Variants in HIF3A observed in about 807,000 individuals in gnomAD.
HIF3A encodes hypoxia-inducible factor 3-alpha.
HIF3A carries 41 observed loss-of-function variants against 67.2 expected under a neutral mutation model. The ratio of observed to expected loss-of-function variants is 0.61; its 90% CI spans 0.48 to 0.79. The LOEUF (loss-of-function observed/expected upper bound fraction) is 0.79, where lower values mean the gene tolerates loss of function less well. Among genes scored for constraint, HIF3A ranks in the 30% least tolerant of loss-of-function variants. The probability of loss-of-function intolerance (pLI) is 0.00; values close to 1 mark genes in which losing one functional copy is unlikely to be tolerated. For missense variants in HIF3A, 855 were observed against 898.0 expected (o/e 0.95, Z 0.61); for synonymous variants, 356 against 374.8 (o/e 0.95, Z 0.58).
At position 46,340,410 on chromosome 19, in the gene HIF3A, C is replaced by G. The variant is rs948339940; in HGVS notation, c.*788C>G. Reference sequence around the variant, plus strand: ...GTATAACCTCTGACCTGCACTGGTTCTAGACCACACAACCTCCAATGTGGT... The same window carrying G: ...GTATAACCTCTGACCTGCACTGGTTGTAGACCACACAACCTCCAATGTGGT... On this transcript the variant is annotated 3_prime_UTR_variant, in exon 15 of 15. Coordinates refer to ENST00000377670, the MANE Select transcript of HIF3A (RefSeq NM_152795.4). 8 of 152,836 alleles carry G rather than the reference C, an allele frequency of 5.2e-5. No homozygotes were observed. The highest frequency in any genetic ancestry group is 1.9e-4 in the African/African-American group (8 of 41,482). The allele number at this position is 152,836 out of a possible 1,614,324, so 9.5% of individuals were successfully genotyped here.
chr19:46,320,642 C>A, intron 9 of HIF3A, 81 bp downstream of exon 9: 2 of 1,052,834 alleles, frequency 1.9e-6, no homozygotes, highest in South Asian at 1.4e-5. Context: ...ACATGGCTCA[C>A]CAGGCCCTGT....
chr19:46,322,012 C>A, intron 10 of HIF3A, 46 bp downstream of exon 10: 2 of 1,583,710 alleles, frequency 1.3e-6, no homozygotes, highest in Non-Finnish European at 1.7e-6. Context: ...AGTGCTCAGT[C>A]CCTCAGGGGG....
At chr19:46,325,690 T>G in intron 11 of HIF3A, 51 bp downstream of exon 11, 6 of 1,271,340 alleles carry the variant, frequency 4.7e-6, no homozygotes, top group Non-Finnish European at 6.9e-6. Context: ...TTCTGGGGAT[T>G]CACATATGTG....
chr19:46,319,197 C>T lies in HIF3A; in HGVS notation c.1026-1246C>T, dbSNP rs115357898. 5.6e-3 allele frequency among the ~76,000 whole-genome samples: 854 copies of T among 152,126 alleles called. 6 individuals are homozygous for T. Among genetic ancestry groups the T allele is most frequent in the Middle Eastern group, 0.02 (6 of 294 alleles). On this transcript the variant is annotated intron_variant, in intron 8 of 14. Transcript: ENST00000377670. ...CGCTCCTGTTTGTGCCTGTGTGTAC[C>T]GAGTGTGTATACAAGTTCGATTGTG...
chr19:46,326,821 T>C (rs941836771), intron 11 of HIF3A, among the ~76,000 whole-genome samples: 1 of 151,956 alleles, frequency 6.6e-6, no homozygotes, highest in Non-Finnish European at 1.5e-5. Flanking sequence ...TTGAAATCCA[T>C]ATGGGAAAAT....
rs1292772333 is a variant in HIF3A at position 46,314,554 on chromosome 19, TTTTA to T, written c.1025+1913_1025+1916del. On this transcript the variant is annotated intron_variant, in intron 8 of 14. Transcript: ENST00000377670. ...ATTACCACAATTTATTTATTTTTAT[TTTTA>T]TTTATTTATTTTTTTTGAGACAGAG... Among the ~76,000 whole-genome samples, 7 of 147,018 alleles carry T rather than the reference TTTTA, an allele frequency of 4.8e-5. 1 individual carries two copies. The highest frequency in any genetic ancestry group is 9.0e-5 in the Non-Finnish European group (6 of 66,952).
chr19:46,300,628 T>C (rs1968239942), intron 1 of HIF3A, among the ~76,000 whole-genome samples: 1 of 152,166 alleles, frequency 6.6e-6, no homozygotes. Flanking sequence ...GCCACTGCAC[T>C]CCAGCCTGGG....
chr19:46,308,814 G>A (rs1231480992), intron 5 of HIF3A, 39 bp downstream of exon 5: 2 of 1,349,312 alleles, frequency 1.5e-6, no homozygotes, highest in Non-Finnish European at 2.1e-6. Context: ...GGGACGCTGG[G>A]GCTGGGTGTG....
At chr19:46,335,211 G>A (rs949895584) in intron 14 of HIF3A, among the ~76,000 whole-genome samples, 20 of 152,006 alleles carry the variant, frequency 1.3e-4, no homozygotes, top group African/African-American at 4.4e-4. Context: ...GTGGAAGCCC[G>A]AGCCTAGGTC....
intron 1 of HIF3A, among the ~76,000 whole-genome samples, chr19:46,301,203 G>A (rs192904020): frequency 2.0e-5 from 3 of 152,228 alleles, no homozygotes; most frequent in East Asian, 1.9e-4. Flanking sequence ...CCTCCCTGCT[G>A]TACTGAGGAT....
In HIF3A at chr19:46,308,296, C is replaced by A. The variant is rs1969078898; in HGVS notation, c.439C>A (p.Pro147Thr). The A allele has an allele frequency of 6.2e-7, 1 of 1,609,918 alleles. No individual in the cohort carries two copies. Among genetic ancestry groups the A allele is most frequent in the African/African-American group, 1.3e-5 (1 of 74,942 alleles). ...AGAGGAGCTTCAGGACGCCCTGACC[C>A]CCCAGCAGAGTGAGTTCCCTGGAGG... Reference protein sequence around the residue: ...DQEELQDALTPQQTLSRRKVE... With the variant: ...DQEELQDALTTQQTLSRRKVE... Residue 147 changes from proline to threonine, a missense_variant, in exon 4 of 15, where the codon CCC becomes ACC. By Grantham distance (38) the Pro-to-Thr change is conservative (BLOSUM62 -1). Transcript: ENST00000377670.
rs763905015 is a variant in HIF3A at position 46,297,044 on chromosome 19, C to G, written c.-33C>G. 7.7e-7 allele frequency: 1 copy of G among 1,298,656 alleles called. No individual in the cohort carries two copies. Among genetic ancestry groups the G allele is most frequent in the South Asian group, 3.2e-5 (1 of 31,178 alleles). The allele number at this position is 1,298,656 out of a possible 1,614,324, so 80.4% of individuals were successfully genotyped here. On this transcript the variant is annotated 5_prime_UTR_variant, in exon 1 of 15. Coordinates refer to ENST00000377670, the MANE Select transcript of HIF3A (RefSeq NM_152795.4). The surrounding 1 kb of genome is among the most constrained non-coding windows in gnomAD (Gnocchi z 4.5). Reference sequence around the variant, plus strand: ...CAAGGCCGGGGAGGGGGCTAGGGGCCTCCGAGGGCTCCGGAGCGGCGACTG... The same window carrying G: ...CAAGGCCGGGGAGGGGGCTAGGGGCGTCCGAGGGCTCCGGAGCGGCGACTG...
At chr19:46,319,544 T>C (rs16980445) in intron 8 of HIF3A, among the ~76,000 whole-genome samples, 18,128 of 152,168 alleles carry the variant, frequency 0.12, 1,401 homozygotes, top group East Asian at 0.34. Flanking sequence ...CCCTTGAGTA[T>C]GAAAAACATC....
intron 12 of HIF3A, among the ~76,000 whole-genome samples, chr19:46,330,211 T>G (rs1400500986): frequency 2.0e-5 from 3 of 152,046 alleles, no homozygotes; most frequent in African/African-American, 7.2e-5. Context: ...GTGGGCCTGA[T>G]AAATACTTAT....
intron 11 of HIF3A, among the ~76,000 whole-genome samples, chr19:46,327,711 T>G (rs1970892700): frequency 6.6e-6 from 1 of 152,152 alleles, no homozygotes; most frequent in African/African-American, 2.4e-5. Flanking sequence ...AATGTGGAGA[T>G]TCCCAGACTC....
Position 46,339,375 on chromosome 19 carries a change from C to T in HIF3A, c.1913-150C>T, listed in dbSNP as rs188882061. ...AACTAGCCAAAGAGGCACCCCTCTG[C>T]GCAAAAGTAAAATTACTAAAAATCC... On this transcript the variant is annotated intron_variant, in intron 14 of 14. Coordinates refer to ENST00000377670, the MANE Select transcript of HIF3A (RefSeq NM_152795.4). 4.1e-4 allele frequency: 218 copies of T among 530,616 alleles called. 1 individual carries two copies. Among genetic ancestry groups the T allele is most frequent in the African/African-American group, 3.6e-3 (184 of 51,650 alleles). The allele number at this position is 530,616 out of a possible 1,614,324, so 32.9% of individuals were successfully genotyped here. A position where few individuals can be genotyped will look rare whatever the true frequency, so the allele number is the denominator to read the frequency against.
In HIF3A at chr19:46,305,262, G is replaced by A; in HGVS notation, c.235G>A (p.Gly79Arg). The A allele has an allele frequency of 6.2e-7, 1 of 1,614,044 alleles. No individual in the cohort carries two copies. The highest frequency in any genetic ancestry group is 1.7e-4 in the Middle Eastern group (1 of 6,060). ...LCAAGEWNQV[G>R]AGGEPLDACY... ...GGCACCAGGGGAGTGGAACCAGGTG[G>A]GAGCAGGGGGAGAACCACTGGATGC... Residue 79 changes from glycine (G) to arginine (R), a missense_variant, in exon 3 of 15, where the codon GGA (glycine) becomes AGA (arginine). Coordinates refer to ENST00000377670, the MANE Select transcript of HIF3A (RefSeq NM_152795.4).
At chr19:46,300,285 A>G (rs1968211260) in intron 1 of HIF3A, among the ~76,000 whole-genome samples, 2 of 152,216 alleles carry the variant, frequency 1.3e-5, no homozygotes. Context: ...GGGCGTGTAG[A>G]GTAATCCACA....
Position 46,342,638 on chromosome 19 carries a change from T to A in HIF3A, c.*3016T>A, listed in dbSNP as rs527973970. The A allele has an allele frequency of 6.6e-6, 1 of 152,338 alleles. No homozygotes were observed. The highest frequency in any genetic ancestry group is 6.5e-5 in the Admixed American group (1 of 15,298). 9.4% of individuals were successfully genotyped at this position (152,338 alleles called of 1,614,324 possible). A position where few individuals can be genotyped will look rare whatever the true frequency, so the allele number is the denominator to read the frequency against. On this transcript the variant is annotated 3_prime_UTR_variant, in exon 15 of 15. Coordinates refer to ENST00000377670, the MANE Select transcript of HIF3A (RefSeq NM_152795.4). ...TCAGATCCAAATTCCTCTGATTCTA[T>A]AATTCAGCCTCCAAATGCTTCTGAT...
Sources: allele counts gnomAD v4.1 joint callset (sites outside exome capture counted in the v4.1 genomes callset), GRCh38; gene constraint gnomAD v4.1.1; non-coding constraint Gnocchi (gnomAD v3.1); transcripts MANE v1.5; gene names NCBI Gene and HGNC (gene_info 2026-07-23, HGNC 2026-07-21).